The following PKHD1L1 variants were observed in gnomAD, a reference collection of about 807,000 sequenced individuals.
PKHD1L1 encodes PKHD1 like 1.
A neutral mutation model predicts 462.9 loss-of-function variants in PKHD1L1; 434 were observed. The ratio of observed to expected loss-of-function variants is 0.94; its 90% CI spans 0.87 to 1.02. PKHD1L1 has a LOEUF of 1.02. Among genes scored for constraint, PKHD1L1 ranks in the 50% least tolerant of loss-of-function variants. The pLI is 0.00. For missense variants in PKHD1L1, 5,202 were observed against 5,096.1 expected (o/e 1.02, Z -0.63); for synonymous variants, 1,781 against 1,750.0 (o/e 1.02, Z -0.44).
chr8:109,441,407 A>G (rs1324863036), intron 34 of PKHD1L1, 28 bp downstream of exon 34: 9 of 1,278,778 alleles, frequency 7.0e-6, no homozygotes, highest in African/African-American at 1.5e-5. Flanking sequence ...ACTATGAAAT[A>G]ATGGAAGCAC....
At chr8:109,491,391 C>T (rs919418568) in intron 61 of PKHD1L1, among the ~76,000 whole-genome samples, 1 of 151,718 alleles carries the variant, frequency 6.6e-6, no homozygotes, top group Non-Finnish European at 1.5e-5. Flanking sequence ...TCATATTAGA[C>T]ACTATAGCCC....
intron 2 of PKHD1L1, among the ~76,000 whole-genome samples, chr8:109,366,405 T>C (rs1051192387): frequency 3.3e-5 from 5 of 152,190 alleles, no homozygotes; most frequent in East Asian, 3.8e-4. Context: ...TACTGCCTTA[T>C]AGAGGCAGAG....
rs1301194481 is a variant in PKHD1L1, at chr8:109,445,284, C to T, written c.5415C>T (p.Leu1805=). ...ENNITALVTP[L]PVGHHSVSVV... is the part of the protein sequence containing the mutation. Reference sequence around the variant, plus strand: ...ACATCACTGCTCTTGTGACTCCTCTCCCAGTTGGACATCATTCTGTTAGTG... The same window carrying T: ...ACATCACTGCTCTTGTGACTCCTCTTCCAGTTGGACATCATTCTGTTAGTG... Residue 1805 remains leucine, a synonymous_variant, in exon 38 of 78, where the codon CTC becomes CTT. Coordinates refer to ENST00000378402, the MANE Select transcript of PKHD1L1 (RefSeq NM_177531.6). The T allele has an allele frequency of 1.9e-6, 3 of 1,613,982 alleles. No individual in the cohort carries two copies. The South Asian group carries it at 3.3e-5, about 18-fold the overall frequency.
In PKHD1L1 at chr8:109,476,640, G is replaced by A. The variant is rs1180265459; in HGVS notation, c.8890G>A (p.Ala2964Thr). 6.2e-7 allele frequency: 1 copy of A among 1,600,568 alleles called. No individual in the cohort carries two copies. Residue 2964 changes from alanine (A) to threonine (T), a missense_variant, in exon 52 of 78, where the codon GCA (alanine) becomes ACA (threonine). Physicochemically the swap from Ala to Thr is moderately conservative, Grantham distance 58. Around this residue, in one of 3 missense-constraint regions of PKHD1L1, gnomAD observed 4,497 missense variants for 4,336.8 expected, o/e 1.04. Coordinates refer to ENST00000378402, the MANE Select transcript of PKHD1L1 (RefSeq NM_177531.6). ...CAAGAATGGGGACTGGCACCTTGAAGCAAACACTAGTACTCTATATTACTT... is the reference window on the plus strand; with the variant it reads ...CAAGAATGGGGACTGGCACCTTGAAACAAACACTAGTACTCTATATTACTT... ...TSKNGDWHLE[A>T]NTSTLYYLVS... is the part of the protein sequence containing the mutation.
intron 50 of PKHD1L1, among the ~76,000 whole-genome samples, chr8:109,474,085 T>C (rs1817861892): frequency 6.6e-6 from 1 of 152,158 alleles, no homozygotes. Context: ...GATTTTCTGG[T>C]AGTGAAAGTT....
chr8:109,435,077 A>G lies in PKHD1L1; in HGVS notation c.3341-113A>G, dbSNP rs531872998. ...AATATATGATTGGTTTTCTTTGGAT[A>G]TACTTCGTGAGATCTAAAAATGAAG... On this transcript the variant is annotated intron_variant, in intron 28 of 77. Transcript: ENST00000378402. The G allele has an allele frequency of 1.5e-4, 157 of 1,079,662 alleles. No individual in the cohort carries two copies. In the East Asian group the frequency reaches 3.7e-3, roughly 26 times the overall value. 66.9% of individuals were successfully genotyped at this position (1,079,662 alleles called of 1,614,324 possible).
chr8:109,507,082 T>A (rs986662816), intron 68 of PKHD1L1, among the ~76,000 whole-genome samples: 1 of 152,202 alleles, frequency 6.6e-6, no homozygotes, highest in African/African-American at 2.4e-5. Flanking sequence ...CAAGTTTATC[T>A]ATATATCCAT....
chr8:109,388,655 A>G (rs1467701091), intron 7 of PKHD1L1, 105 bp downstream of exon 7: 1 of 781,040 alleles, frequency 1.3e-6, no homozygotes, highest in Admixed American at 2.9e-5. Context: ...ATGGTTTATA[A>G]TACAGTATAA....
rs530995205 is a variant in PKHD1L1, at chr8:109,408,250, T to C, written c.1971+44T>C. The C allele has an allele frequency of 1.6e-4, 248 of 1,530,692 alleles. 1 individual carries two copies. The highest frequency in any genetic ancestry group is 2.0e-4 in the Non-Finnish European group (223 of 1,127,054). The allele number at this position is 1,530,692 out of a possible 1,614,324, so 94.8% of individuals were successfully genotyped here. On this transcript the variant is annotated intron_variant, in intron 18 of 77. Transcript: ENST00000378402. ...TCTACCACGCATTTTCCCTGCACCC[T>C]CTCACATCATTCATGGGCCATTTGT...
intron 31 of PKHD1L1, 151 bp from the exon 32 acceptor site, chr8:109,438,746 C>G (rs1455774782): frequency 2.9e-6 from 2 of 688,564 alleles, no homozygotes; most frequent in African/African-American, 3.7e-5. Context: ...GTTACCAACT[C>G]TTTCATTGTT....
At chr8:109,404,326 A>T (rs1382656262) in intron 14 of PKHD1L1, among the ~76,000 whole-genome samples, 1 of 152,162 alleles carries the variant, frequency 6.6e-6, no homozygotes, top group Non-Finnish European at 1.5e-5. Flanking sequence ...TGAATTGGTT[A>T]TGAATGAGAA....
In PKHD1L1 at chr8:109,412,562, G is replaced by C. The variant is rs1813913164; in HGVS notation, c.2235+148G>C. The C allele has an allele frequency of 2.3e-5, 17 of 750,158 alleles. No individual in the cohort carries two copies. The South Asian group carries it at 3.1e-4, about 14-fold the overall frequency. 46.5% of individuals were successfully genotyped at this position (750,158 alleles called of 1,614,324 possible). ...ACCGAAGTGTACATTCTGGGTGCTT[G>C]TGGTTTCCTCTTCTGAGGATTCTCA... On this transcript the variant is annotated intron_variant, in intron 20 of 77. Transcript: ENST00000378402.
chr8:109,438,498 T>C (rs922503205), intron 31 of PKHD1L1, 42 bp downstream of exon 31: 2 of 1,480,766 alleles, frequency 1.4e-6, no homozygotes, highest in Non-Finnish European at 9.0e-7. Flanking sequence ...GTCCTATGTA[T>C]AAAAAACATT....
rs1159876853 is a variant in PKHD1L1, at chr8:109,533,930, GT to G, written c.*3843del. 2.6e-5 allele frequency among the ~76,000 whole-genome samples: 4 copies of G among 152,216 alleles called. No homozygotes were observed. Among genetic ancestry groups the G allele is most frequent in the Admixed American group, 2.6e-4 (4 of 15,290 alleles). On this transcript the variant is annotated 3_prime_UTR_variant, in exon 78 of 78. Coordinates refer to ENST00000378402, the MANE Select transcript of PKHD1L1 (RefSeq NM_177531.6). ...AACCCAGAGAGCTCAGCTGAAAGGA[GT>G]TTGGGTTCCTGACATTGTGGTGCCC...
Position 109,497,023 on chromosome 8 carries a change from G to A in PKHD1L1, c.10432G>A (p.Gly3478Arg). 4 of 1,613,564 alleles carry A rather than the reference G, an allele frequency of 2.5e-6. No individual in the cohort carries two copies. Among genetic ancestry groups the A allele is most frequent in the Non-Finnish European group, 3.4e-6 (4 of 1,179,632 alleles). ...CCTTCCTGGATGTTCTCTTATACAA[G>A]GATTTACCATTTGGACATGCTGGGA... ...DGLPGCSLIQ[G>R]FTIWTCWDYG... The change falls in exon 64 of 78, where the codon GGA becomes AGA. Residue 3478 changes from glycine to arginine, a missense_variant. Physicochemically the swap from Gly to Arg is moderately radical, Grantham distance 125. This residue lies in a region of PKHD1L1 where 4,497 missense variants were observed against 4,336.8 expected (regional missense o/e 1.04). Transcript: ENST00000378402.
At chr8:109,508,040 A>C in intron 69 of PKHD1L1, 57 bp from the exon 70 acceptor site, 4 of 1,520,772 alleles carry the variant, frequency 2.6e-6, no homozygotes, top group Non-Finnish European at 3.6e-6. Context: ...TGTTATAAGG[A>C]TTTTTTTGCA....
At chr8:109,381,882 T>C (rs1442510449) in intron 3 of PKHD1L1, among the ~76,000 whole-genome samples, 7 of 152,204 alleles carry the variant, frequency 4.6e-5, no homozygotes, top group Non-Finnish European at 1.0e-4. Context: ...TCATTAAGAT[T>C]AAATATAATC....
chr8:109,452,686 T>G, intron 42 of PKHD1L1, 32 bp from the exon 43 acceptor site: 1 of 1,347,322 alleles, frequency 7.4e-7, no homozygotes, highest in Non-Finnish European at 9.6e-7. Flanking sequence ...GTAAAATCCC[T>G]AAATTTTAAG....
At chr8:109,471,178 A>G in intron 50 of PKHD1L1, 2 of 1,136,904 alleles carry the variant, frequency 1.8e-6, no homozygotes, top group South Asian at 4.3e-5. Context: ...TTTTTTTATT[A>G]CTAGTGTTTA....
Sources: allele counts gnomAD v4.1 joint callset (sites outside exome capture counted in the v4.1 genomes callset), GRCh38; gene constraint gnomAD v4.1.1; regional missense constraint gnomAD v4.1.1; transcripts MANE v1.5; gene names NCBI Gene and HGNC (gene_info 2026-07-23, HGNC 2026-07-21).